Variants in NUP210 observed in about 807,000 individuals in gnomAD.
NUP210 encodes nuclear pore membrane glycoprotein 210.
A neutral mutation model predicts 196.0 loss-of-function variants in NUP210; 151 were observed. The ratio of observed to expected loss-of-function variants is 0.77; its 90% CI spans 0.67 to 0.88. NUP210 has a LOEUF of 0.88. Ranked by LOEUF, NUP210 falls within the 40% of genes least tolerant of loss-of-function variation. NUP210 has a pLI of 0.00. For missense variants in NUP210, 2,314 were observed against 2,493.7 expected (o/e 0.93, Z 1.53); for synonymous variants, 1,070 against 1,052.7 (o/e 1.02, Z -0.32).
chr3:13,323,356 G>A lies in NUP210; in HGVS notation c.4721C>T (p.Ala1574Val). 4 of 1,614,116 alleles carry A rather than the reference G, an allele frequency of 2.5e-6. No homozygotes were observed. The highest frequency in any genetic ancestry group is 3.4e-6 in the Non-Finnish European group (4 of 1,179,978). Residue 1574 changes from alanine to valine, a missense_variant, in exon 34 of 40, where the codon GCC becomes GTC. Transcript: ENST00000254508. This position sits in a 1 kb window ranked among gnomAD's most constrained non-coding sequence, Gnocchi z 4.3. ...PIQTSFQEAT[A>V]SKVIVAVGDR... ...TCCCACGGCAACAATCACTTTGGAG[G>A]CTGTAGCCTCCTGGAAGCTGGTCTG...
intron 2 of NUP210, among the ~76,000 whole-genome samples, chr3:13,399,520 C>T (rs11920743): frequency 2.0e-5 from 3 of 152,008 alleles, no homozygotes; most frequent in South Asian, 2.1e-4. Context: ...CCAGCCTCCA[C>T]AAAAGGGAAC....
At chr3:13,408,908 C>T (rs1468615150) in intron 1 of NUP210, among the ~76,000 whole-genome samples, 8 of 152,282 alleles carry the variant, frequency 5.3e-5, no homozygotes, top group Middle Eastern at 6.8e-3. Context: ...CCAAAAGCTC[C>T]GTGCAGCAGC....
Position 13,414,478 on chromosome 3 carries a change from C to T in NUP210, c.167+5582G>A, listed in dbSNP as rs532648065. On this transcript the variant is annotated intron_variant, in intron 1 of 39. Coordinates refer to ENST00000254508, the MANE Select transcript of NUP210 (RefSeq NM_024923.4). Reference sequence around the variant, plus strand: ...GACAGCCCTCAGGGGCCAGGGAGAACGAGGCCCAAAAACCAGGCCCAGTCT... The same window carrying T: ...GACAGCCCTCAGGGGCCAGGGAGAATGAGGCCCAAAAACCAGGCCCAGTCT... Among the ~76,000 whole-genome samples, 458 of 146,500 alleles carry T rather than the reference C, an allele frequency of 3.1e-3. 1 individual carries two copies. The highest frequency in any genetic ancestry group is 0.017 in the Middle Eastern group (5 of 290).
rs376137292 is a variant in NUP210 at position 13,327,179 on chromosome 3, G to A, written c.4507+38C>T. 5.1e-6 allele frequency: 8 copies of A among 1,561,698 alleles called. No individual in the cohort carries two copies. In the African/African-American group the frequency reaches 6.8e-5, roughly 13 times the overall value. Reference sequence around the variant, plus strand: ...CCCCCACCCAGCTTTGCAAGCGTCCGTGACTCCACAGGTTCCCTTGCTCAG... The same window carrying A: ...CCCCCACCCAGCTTTGCAAGCGTCCATGACTCCACAGGTTCCCTTGCTCAG... On this transcript the variant is annotated intron_variant, in intron 32 of 39. Transcript: ENST00000254508.
chr3:13,354,125 C>T lies in NUP210; in HGVS notation c.2329-18G>A, dbSNP rs1328229024. 2 of 1,569,078 alleles carry T rather than the reference C, an allele frequency of 1.3e-6. No homozygotes were observed. Among genetic ancestry groups the T allele is most frequent in the Non-Finnish European group, 1.7e-6 (2 of 1,157,282 alleles). On this transcript the variant is annotated intron_variant, in intron 16 of 39. Coordinates refer to ENST00000254508, the MANE Select transcript of NUP210 (RefSeq NM_024923.4). ...ACTGGGACCTGCAGGGAACACAGGT[C>T]AGATGTTGTGGTCACCCCCAGGACT... is the stretch of plus-strand genomic sequence containing the variant.
chr3:13,330,090 A>C (rs1474496929), intron 30 of NUP210, among the ~76,000 whole-genome samples: 1 of 152,248 alleles, frequency 6.6e-6, no homozygotes, highest in Non-Finnish European at 1.5e-5. Flanking sequence ...GCTGGCCCAG[A>C]ACAGGAGCTC....
At chr3:13,410,984 G>A (rs1276578688) in intron 1 of NUP210, among the ~76,000 whole-genome samples, 1 of 151,554 alleles carries the variant, frequency 6.6e-6, no homozygotes, top group Non-Finnish European at 1.5e-5. Context: ...CACTTTGGGA[G>A]GCCAAGGTAG....
intron 6 of NUP210, 142 bp downstream of exon 6, chr3:13,386,133 G>T: frequency 1.2e-6 from 1 of 850,398 alleles, no homozygotes; most frequent in Non-Finnish European, 1.8e-6. Flanking sequence ...GGTGATGGCT[G>T]CAGAAGAGTG....
chr3:13,365,820 G>A, intron 14 of NUP210, 126 bp downstream of exon 14: 2 of 1,031,514 alleles, frequency 1.9e-6, no homozygotes, highest in Non-Finnish European at 2.9e-6. Flanking sequence ...CATGGGAGAG[G>A]AAGCTGTGCC....
chr3:13,408,468 G>A (rs1332095045), intron 1 of NUP210, among the ~76,000 whole-genome samples: 1 of 152,130 alleles, frequency 6.6e-6, no homozygotes, highest in Non-Finnish European at 1.5e-5. Flanking sequence ...TACAGACAAG[G>A]CCATCTGGGC....
Position 13,386,401 on chromosome 3 carries a change from G to A in NUP210, c.691C>T (p.Arg231Cys), listed in dbSNP as rs765705016. The change falls in exon 6 of 40, where the codon CGC becomes TGC. Residue 231 changes from arginine (R) to cysteine (C), a missense_variant. By Grantham distance (180) the Arg-to-Cys change is radical. Coordinates refer to ENST00000254508, the MANE Select transcript of NUP210 (RefSeq NM_024923.4). ...ATCAGCAGCCTGACTTCTGCAGGGC[G>A]TACATTCTTGGCATAAAGAAAAGGC... ...RIQEAVYKNV[R>C]PAEVRLLILE... 9.0e-5 allele frequency: 146 copies of A among 1,613,916 alleles called. No individual in the cohort carries two copies. In the South Asian group the frequency reaches 9.8e-4, roughly 11 times the overall value.
In NUP210 at chr3:13,373,843, A is replaced by T; in HGVS notation, c.1462T>A (p.Ser488Thr). The T allele has an allele frequency of 6.2e-7, 1 of 1,613,938 alleles. No individual in the cohort carries two copies. The highest frequency in any genetic ancestry group is 8.5e-7 in the Non-Finnish European group (1 of 1,179,896). ...GTGGCAACCAGGTGGCTTGACGAAG[A>T]CCAGCTGAAGTTCCCACTGCCACCG... Reference protein sequence around the residue: ...AHGGSGNFSWSSSSHLVATVT... With the variant: ...AHGGSGNFSWTSSSHLVATVT... The change falls in exon 12 of 40, where the codon TCT becomes ACT. Residue 488 changes from serine to threonine, a missense_variant. By Grantham distance (58) the Ser-to-Thr change is moderately conservative (BLOSUM62 1). Coordinates refer to ENST00000254508, the MANE Select transcript of NUP210 (RefSeq NM_024923.4).
chr3:13,363,093 C>T (rs1698421756), intron 14 of NUP210, among the ~76,000 whole-genome samples: 1 of 152,176 alleles, frequency 6.6e-6, no homozygotes, highest in Admixed American at 6.5e-5. Context: ...ATGCCTACCT[C>T]GCGGTGCTAC....
chr3:13,401,692 C>G (rs1699845605), intron 1 of NUP210, among the ~76,000 whole-genome samples: 1 of 152,114 alleles, frequency 6.6e-6, no homozygotes, highest in African/African-American at 2.4e-5. Context: ...CACTAGTGCC[C>G]TACGGTGTTT....
intron 1 of NUP210, among the ~76,000 whole-genome samples, chr3:13,403,722 G>C (rs539824816): frequency 6.6e-6 from 1 of 152,280 alleles, no homozygotes; most frequent in South Asian, 2.1e-4. Flanking sequence ...ACCTTCTTAA[G>C]AAAGTCCCTC....
rs946999125 is a variant in NUP210, at chr3:13,342,933, C to T, written c.2964+242G>A. Among the ~76,000 whole-genome samples, 17 of 152,196 alleles carry T rather than the reference C, an allele frequency of 1.1e-4. 1 individual carries two copies. The highest frequency in any genetic ancestry group is 5.9e-4 in the Admixed American group (9 of 15,286). ...CAGGTCATGGCTAATTTAGAGACAG[C>T]AGGATTTACTGCCAAGCCTCATGGG... On this transcript the variant is annotated intron_variant, in intron 21 of 39. Coordinates refer to ENST00000254508, the MANE Select transcript of NUP210 (RefSeq NM_024923.4).
chr3:13,354,209 TG>T, intron 16 of NUP210, 102 bp from the exon 17 acceptor site: 1 of 978,598 alleles, frequency 1.0e-6, no homozygotes, highest in Non-Finnish European at 1.5e-6. Context: ...TGTGGGCTCT[TG>T]GGGGTGCTGG....
intron 1 of NUP210, among the ~76,000 whole-genome samples, chr3:13,406,404 A>G (rs1700003077): frequency 6.6e-6 from 1 of 152,118 alleles, no homozygotes; most frequent in Admixed American, 6.6e-5. Context: ...TGGCTACAAC[A>G]GCTAACACAG....
chr3:13,360,586 G>T, intron 14 of NUP210, 95 bp from the exon 15 acceptor site: 1 of 931,762 alleles, frequency 1.1e-6, no homozygotes, highest in East Asian at 2.6e-5. Context: ...CCGCTTGTGG[G>T]GGCTGGTGGT....
Sources: allele counts gnomAD v4.1 joint callset (sites outside exome capture counted in the v4.1 genomes callset), GRCh38; gene constraint gnomAD v4.1.1; non-coding constraint Gnocchi (gnomAD v3.1); transcripts MANE v1.5; gene names NCBI Gene and HGNC (gene_info 2026-07-23, HGNC 2026-07-21).